BEND4: variants seen among roughly 807,000 people sequenced by gnomAD.
BEND4 encodes BEN domain containing 4.
In BEND4, 27 loss-of-function variants were observed where a neutral mutation model predicts 54.7. The ratio of observed to expected loss-of-function variants is 0.49; its 90% CI spans 0.36 to 0.68. The LOEUF (loss-of-function observed/expected upper bound fraction) is 0.68, where lower values mean the gene tolerates loss of function less well. Among genes scored for constraint, BEND4 ranks in the 30% least tolerant of loss-of-function variants. The probability of loss-of-function intolerance (pLI) is 0.00; values close to 1 mark genes in which losing one functional copy is unlikely to be tolerated. For missense variants in BEND4, 702 were observed against 697.2 expected, an observed-to-expected ratio of 1.01 and a Z score of -0.08; for synonymous variants, 327 against 299.5, an observed-to-expected ratio of 1.09 and a Z score of -0.95.
chr4:42,146,647 GAATTTTCAATTCTAGCACA>G (rs1228899356), intron 2 of BEND4, among the ~76,000 whole-genome samples: 1 of 152,094 alleles, frequency 6.6e-6, no homozygotes. Flanking sequence ...TATTGATTGG[GAATTTTCAATTCTAGCACA>G]ACAGCAGTTT....
chr4:42,117,320 A>G lies in BEND4; in HGVS notation c.*198T>C. 2.0e-6 allele frequency: 1 copy of G among 512,250 alleles called. No individual in the cohort carries two copies. Among genetic ancestry groups the G allele is most frequent in the Non-Finnish European group, 3.4e-6 (1 of 292,748 alleles). The allele number at this position is 512,250 out of a possible 1,614,324, so 31.7% of individuals were successfully genotyped here. On this transcript the variant is annotated 3_prime_UTR_variant, in exon 6 of 6. Transcript: ENST00000502486. ...TGTAGTTTTTTCTTTTTATAATATAATATTCCAAAAGTCTGTTGTAGGTGC... is the reference window on the plus strand; with the variant it reads ...TGTAGTTTTTTCTTTTTATAATATAGTATTCCAAAAGTCTGTTGTAGGTGC...
In BEND4 at chr4:42,120,168, T is replaced by C. The variant is rs374665634; in HGVS notation, c.1273A>G (p.Thr425Ala). The part of the protein sequence containing the change: ...LRYLIRFVFT[T>A]DELKYSCGLG... ...CCGCATGAGTACTTAAGCTCATCGG[T>C]TGTGAAAACAAATCTGATGAGGTAT... is the stretch of plus-strand genomic sequence containing the variant. The change falls in exon 5 of 6, where the codon ACC becomes GCC. Residue 425 changes from threonine to alanine, a missense_variant. Thr to Ala is a moderately conservative substitution (Grantham distance 58). Coordinates refer to ENST00000502486, the MANE Select transcript of BEND4 (RefSeq NM_207406.4). 1.6e-5 allele frequency: 26 copies of C among 1,613,886 alleles called. No homozygotes were observed. The African/African-American group carries it at 2.9e-4, about 18-fold the overall frequency.
At chr4:42,124,537 C>T (rs1439288312) in intron 4 of BEND4, among the ~76,000 whole-genome samples, 1 of 151,858 alleles carries the variant, frequency 6.6e-6, no homozygotes, top group Non-Finnish European at 1.5e-5. Context: ...AGAGAGAGCA[C>T]GGAGGAGGAG....
At chr4:42,122,834 C>A (rs1720114928) in intron 4 of BEND4, among the ~76,000 whole-genome samples, 1 of 152,156 alleles carries the variant, frequency 6.6e-6, no homozygotes, top group African/African-American at 2.4e-5. Context: ...AGGTCAAATC[C>A]ATTTCCAAGG....
Position 42,114,511 on chromosome 4 carries a change from A to G in BEND4, c.*3007T>C, listed in dbSNP as rs538411872. The G allele has an allele frequency of 6.6e-6, 1 of 152,284 alleles. No homozygotes were observed. The highest frequency in any genetic ancestry group is 1.9e-4 in the East Asian group (1 of 5,180). The allele number at this position is 152,284 out of a possible 1,614,324, so 9.4% of individuals were successfully genotyped here. A position where few individuals can be genotyped will look rare whatever the true frequency, so the allele number is the denominator to read the frequency against. The stretch of plus-strand genomic sequence containing the variant: ...TAACTCAATCTATTTTACACTACCA[A>G]TGCTAACATGACTCAAGAAGGACTC... On this transcript the variant is annotated 3_prime_UTR_variant, in exon 6 of 6. Coordinates refer to ENST00000502486, the MANE Select transcript of BEND4 (RefSeq NM_207406.4).
In BEND4 at chr4:42,112,986, C is replaced by T. The variant is rs571050276; in HGVS notation, c.*4532G>A. The T allele has an allele frequency of 9.2e-5, 14 of 152,328 alleles. No homozygotes were observed. In the South Asian group the frequency reaches 2.5e-3, roughly 27 times the overall value. The allele number at this position is 152,328 out of a possible 1,614,324, so 9.4% of individuals were successfully genotyped here. A position where few individuals can be genotyped will look rare whatever the true frequency, so the allele number is the denominator to read the frequency against. On this transcript the variant is annotated 3_prime_UTR_variant, in exon 6 of 6. Transcript: ENST00000502486. ...TTATTTTTATCCAGCACTTACATGA[C>T]TGAAAGCAGCCATCACTATGTTTAC...
At chr4:42,118,143 T>C (rs1020981097) in intron 5 of BEND4, among the ~76,000 whole-genome samples, 2 of 152,206 alleles carry the variant, frequency 1.3e-5, no homozygotes, top group Non-Finnish European at 2.9e-5. Context: ...TAGCATGGTA[T>C]TCTTTAACCA....
chr4:42,134,298 G>C (rs1720615738), intron 3 of BEND4, among the ~76,000 whole-genome samples: 1 of 152,110 alleles, frequency 6.6e-6, no homozygotes, highest in South Asian at 2.1e-4. Flanking sequence ...CACTTTCATA[G>C]GGCAACTGAA....
intron 3 of BEND4, among the ~76,000 whole-genome samples, chr4:42,134,818 T>C (rs547486738): frequency 1.6e-4 from 25 of 152,286 alleles, no homozygotes; most frequent in Admixed American, 1.6e-3. Flanking sequence ...TTGAAAGGAA[T>C]AGCTGGAGTA....
Position 42,143,467 on chromosome 4 carries a change from C to T in BEND4, c.1015G>A (p.Glu339Lys). 6.4e-7 allele frequency: 1 copy of T among 1,552,210 alleles called. No individual in the cohort carries two copies. The highest frequency in any genetic ancestry group is 1.2e-5 in the South Asian group (1 of 84,066). Reference sequence around the variant, plus strand: ...AATTTCCTTCTGAGCTCTTCATTTTCTTGTTGCAGTGAAATAACCTCCTGC... The same window carrying T: ...AATTTCCTTCTGAGCTCTTCATTTTTTTGTTGCAGTGAAATAACCTCCTGC... ...LEQEVISLQQ[E>K]NEELRRKLES... Residue 339 changes from glutamate to lysine, a missense_variant, in exon 3 of 6, where the codon GAA becomes AAA. Physicochemically the swap from Glu to Lys is moderately conservative, Grantham distance 56 (BLOSUM62 1). Coordinates refer to ENST00000502486, the MANE Select transcript of BEND4 (RefSeq NM_207406.4).
At position 42,112,425 on chromosome 4, in the gene BEND4, C is replaced by T. The variant is rs941222513; in HGVS notation, c.*5093G>A. On this transcript the variant is annotated 3_prime_UTR_variant, in exon 6 of 6. Transcript: ENST00000502486. ...ATAGTTTTCCAATGTGGCCAGGATACATCTGGCCACTTGTACTGGCCCAAT... is the reference window on the plus strand; with the variant it reads ...ATAGTTTTCCAATGTGGCCAGGATATATCTGGCCACTTGTACTGGCCCAAT... 5 of 152,194 alleles carry T rather than the reference C, an allele frequency of 3.3e-5. No homozygotes were observed. The South Asian group carries it at 6.2e-4, about 19-fold the overall frequency. The allele number at this position is 152,194 out of a possible 1,614,324, so 9.4% of individuals were successfully genotyped here.
At chr4:42,139,349 C>T (rs1490559270) in intron 3 of BEND4, among the ~76,000 whole-genome samples, 1 of 152,110 alleles carries the variant, frequency 6.6e-6, no homozygotes, top group Non-Finnish European at 1.5e-5. Context: ...CCCTGCCTTG[C>T]ATGTAGCTGA....
At chr4:42,142,590 G>A (rs1238484738) in intron 3 of BEND4, among the ~76,000 whole-genome samples, 1 of 146,452 alleles carries the variant, frequency 6.8e-6, no homozygotes, top group Non-Finnish European at 1.5e-5. Flanking sequence ...CCCACACGGT[G>A]CCACTGTACT....
At chr4:42,127,490 A>G (rs1196379068) in intron 3 of BEND4, among the ~76,000 whole-genome samples, 1 of 152,232 alleles carries the variant, frequency 6.6e-6, no homozygotes, top group South Asian at 2.1e-4. Context: ...CTGATGCCAC[A>G]GTGAGGAAGA....
chr4:42,125,471 C>T (rs1327295634), intron 4 of BEND4, 112 bp downstream of exon 4: 2 of 777,832 alleles, frequency 2.6e-6, no homozygotes, highest in Non-Finnish European at 4.4e-6. Flanking sequence ...ACCCATAAAC[C>T]TCAGTCAAAA....
chr4:42,144,646 G>A (rs1047940943), intron 2 of BEND4, among the ~76,000 whole-genome samples: 1 of 152,154 alleles, frequency 6.6e-6, no homozygotes, highest in Non-Finnish European at 1.5e-5. Flanking sequence ...TTCTTGTCAA[G>A]GCCAATGTTT....
intron 2 of BEND4, among the ~76,000 whole-genome samples, chr4:42,148,054 T>C (rs1213579136): frequency 3.9e-5 from 6 of 152,202 alleles, no homozygotes. Flanking sequence ...AAATTTTTTT[T>C]AGTGACCTAC....
At chr4:42,141,581 T>C (rs1028091659) in intron 3 of BEND4, among the ~76,000 whole-genome samples, 2 of 149,302 alleles carry the variant, frequency 1.3e-5, no homozygotes, top group Admixed American at 1.3e-4. Context: ...AAAATACAAT[T>C]AAAAAAAAAA....
chr4:42,127,885 C>G (rs1294862077), intron 3 of BEND4, among the ~76,000 whole-genome samples: 3 of 152,130 alleles, frequency 2.0e-5, no homozygotes, highest in African/African-American at 7.2e-5. Flanking sequence ...AAGATGTTGC[C>G]AGGCATGGTG....
Sources: allele counts gnomAD v4.1 joint callset (sites outside exome capture counted in the v4.1 genomes callset), GRCh38; gene constraint gnomAD v4.1.1; transcripts MANE v1.5; gene names NCBI Gene and HGNC (gene_info 2026-07-23, HGNC 2026-07-21).